Variants in KIAA0513 observed in about 807,000 individuals in gnomAD.
The protein encoded by KIAA0513 is KIAA0513.
KIAA0513 carries 39 observed loss-of-function variants against 56.5 expected under a neutral mutation model. The observed-to-expected ratio is 0.69, with a 90% CI of 0.53 to 0.90. The LOEUF (loss-of-function observed/expected upper bound fraction) is 0.90, where lower values mean the gene tolerates loss of function less well. KIAA0513 is among the 40% of genes least tolerant of loss of function. KIAA0513 has a pLI of 0.00. For missense variants in KIAA0513, 591 were observed against 535.2 expected, an observed-to-expected ratio of 1.10 and a Z score of -1.03; for synonymous variants, 268 against 215.6, an observed-to-expected ratio of 1.24 and a Z score of -2.13.
At chr16:85,074,140 A>G (rs568278635) in intron 4 of KIAA0513, among the ~76,000 whole-genome samples, 40 of 151,744 alleles carry the variant, frequency 2.6e-4, no homozygotes, top group Non-Finnish European at 4.1e-4. Flanking sequence ...ATGCCCAGCT[A>G]ATTTTTGTAT....
At chr16:85,042,895 T>C (rs943540033) in intron 1 of KIAA0513, among the ~76,000 whole-genome samples, 5 of 152,164 alleles carry the variant, frequency 3.3e-5, no homozygotes, top group African/African-American at 4.8e-5. Flanking sequence ...GAGCAGAGAC[T>C]TTTGAAATGT....
chr16:85,034,341 T>C (rs1434527467), intron 1 of KIAA0513, among the ~76,000 whole-genome samples: 3 of 152,046 alleles, frequency 2.0e-5, no homozygotes, highest in Admixed American at 6.6e-5. Context: ...GATCACACCA[T>C]TGAACTCCAG....
At chr16:85,032,298 G>A (rs955527893) in intron 1 of KIAA0513, among the ~76,000 whole-genome samples, 2 of 152,176 alleles carry the variant, frequency 1.3e-5, no homozygotes, top group African/African-American at 2.4e-5. Flanking sequence ...TCTTAAAAGG[G>A]CACCAGTCGG....
chr16:85,030,482 T>A (rs1256230972), intron 1 of KIAA0513, among the ~76,000 whole-genome samples: 1 of 152,096 alleles, frequency 6.6e-6, no homozygotes, highest in Non-Finnish European at 1.5e-5. Context: ...GTGGCTGTTG[T>A]TTTCCTGTAA....
At chr16:85,036,694 G>A (rs1026725022) in intron 1 of KIAA0513, among the ~76,000 whole-genome samples, 1 of 152,108 alleles carries the variant, frequency 6.6e-6, no homozygotes, top group Non-Finnish European at 1.5e-5. Flanking sequence ...CAGTGTTCCC[G>A]TACTTTCCTT....
At chr16:85,032,701 G>C (rs2072982070) in intron 1 of KIAA0513, among the ~76,000 whole-genome samples, 2 of 151,892 alleles carry the variant, frequency 1.3e-5, no homozygotes, top group East Asian at 1.9e-4. Flanking sequence ...CACAATCTTG[G>C]CTTACTACAA....
intron 1 of KIAA0513, among the ~76,000 whole-genome samples, chr16:85,044,497 C>A (rs2073144600): frequency 6.7e-6 from 1 of 150,222 alleles, no homozygotes. Flanking sequence ...TAATGCTCCT[C>A]CTTTTTATTT....
intron 3 of KIAA0513, 24 bp downstream of exon 3, chr16:85,071,906 A>C (rs1200795233): frequency 6.9e-7 from 1 of 1,449,874 alleles, no homozygotes. Flanking sequence ...GATGGGAAGG[A>C]TGGGCGTTTA....
intron 1 of KIAA0513, among the ~76,000 whole-genome samples, chr16:85,060,797 T>C (rs986166615): frequency 2.0e-5 from 3 of 150,640 alleles, no homozygotes; most frequent in African/African-American, 4.9e-5. Context: ...TGAGCCAAGA[T>C]TGCACCACTC....
intron 9 of KIAA0513, among the ~76,000 whole-genome samples, chr16:85,082,221 G>T (rs2073753915): frequency 6.6e-6 from 1 of 152,156 alleles, no homozygotes; most frequent in South Asian, 2.1e-4. Flanking sequence ...ACCCTCTGGG[G>T]GCAGGAGGCC....
At chr16:85,065,073 G>A (rs2073459214) in intron 1 of KIAA0513, among the ~76,000 whole-genome samples, 1 of 152,214 alleles carries the variant, frequency 6.6e-6, no homozygotes, top group Admixed American at 6.5e-5. Context: ...GTGTGAATTT[G>A]TAGTACAGAC....
chr16:85,044,335 G>A (rs1460902603), intron 1 of KIAA0513, among the ~76,000 whole-genome samples: 3 of 152,086 alleles, frequency 2.0e-5, no homozygotes. Flanking sequence ...GTCATCTAGG[G>A]CAGGTCACAG....
rs765898171 is a variant in KIAA0513 at position 85,081,315 on chromosome 16, G to A, written c.903G>A (p.Trp301Ter). The change falls in exon 9 of 13, where the codon TGG becomes TGA. Residue 301 changes from tryptophan (W) to a stop codon, truncating the protein, a stop_gained and splice_region_variant. Coordinates refer to ENST00000683363, the MANE Select transcript of KIAA0513 (RefSeq NM_001388359.1). LOFTEE classifies it high-confidence loss of function. This position sits in a 1 kb window ranked among gnomAD's most constrained non-coding sequence, Gnocchi z 4.4. The part of the protein sequence containing the change: ...LYTHLKQQPI[W>*]HTLRFWNAAF... ...GTGTGACTGGGGCTCTGTCTTGCAG[G>A]CACACTCTGAGGTTCTGGAATGCAG... 1.9e-6 allele frequency: 3 copies of A among 1,612,338 alleles called. No homozygotes were observed. Among genetic ancestry groups the A allele is most frequent in the African/African-American group, 1.3e-5 (1 of 74,856 alleles).
intron 10 of KIAA0513, among the ~76,000 whole-genome samples, chr16:85,082,930 G>C (rs1295748642): frequency 6.6e-6 from 1 of 152,266 alleles, no homozygotes; most frequent in Non-Finnish European, 1.5e-5. Context: ...CTCCAGTTCT[G>C]AGCCAGCCGT....
intron 4 of KIAA0513, among the ~76,000 whole-genome samples, chr16:85,075,005 C>G (rs932260418): frequency 6.6e-5 from 10 of 152,026 alleles, no homozygotes; most frequent in African/African-American, 2.4e-4. Flanking sequence ...CTTGCCATCA[C>G]TTGGTCCCTG....
At chr16:85,087,044 G>A in intron 11 of KIAA0513, 28 bp from the exon 12 acceptor site, 1 of 1,608,316 alleles carries the variant, frequency 6.2e-7, no homozygotes, top group Non-Finnish European at 8.5e-7. Context: ...GAGGCCAGCG[G>A]GTGACGCTCT....
chr16:85,062,473 G>A (rs904354654), intron 1 of KIAA0513, among the ~76,000 whole-genome samples: 1 of 152,148 alleles, frequency 6.6e-6, no homozygotes, highest in South Asian at 2.1e-4. Flanking sequence ...CTTCAGGCCC[G>A]CAGGCCAGCA....
At chr16:85,065,159 G>T (rs928978568) in intron 1 of KIAA0513, among the ~76,000 whole-genome samples, 5 of 152,186 alleles carry the variant, frequency 3.3e-5, no homozygotes, top group African/African-American at 1.2e-4. Context: ...TTAATGCCGG[G>T]CATGTTACTG....
At chr16:85,036,465 A>G (rs2073037849) in intron 1 of KIAA0513, among the ~76,000 whole-genome samples, 1 of 152,150 alleles carries the variant, frequency 6.6e-6, no homozygotes, top group Non-Finnish European at 1.5e-5. Flanking sequence ...TTTTTAGTTC[A>G]TTGCTATTGT....
Sources: gnomAD v4.1 joint callset for allele counts (sites outside exome capture counted in the v4.1 genomes callset) on GRCh38, gnomAD v4.1.1 for gene constraint, Gnocchi (gnomAD v3.1) non-coding constraint, MANE v1.5 for transcripts, NCBI Gene and HGNC (gene_info 2026-07-23, HGNC 2026-07-21) for gene names.